Variants in FAM171A1 observed in about 807,000 individuals in gnomAD.
FAM171A1 encodes the protein protein FAM171A1.
A neutral mutation model predicts 74.9 loss-of-function variants in FAM171A1; 23 were observed. The ratio of observed to expected loss-of-function variants is 0.31; its 90% CI spans 0.22 to 0.44. The LOEUF is 0.44. Among genes scored for constraint, FAM171A1 ranks in the 20% least tolerant of loss-of-function variants. FAM171A1 has a pLI of 1.00. For missense variants in FAM171A1, 1,162 were observed against 1,159.2 expected (o/e 1.00, Z -0.03); for synonymous variants, 527 against 505.7 (o/e 1.04, Z -0.57).
chr10:15,319,001 C>T (rs1416524789), intron 1 of FAM171A1, among the ~76,000 whole-genome samples: 1 of 152,216 alleles, frequency 6.6e-6, no homozygotes, highest in Non-Finnish European at 1.5e-5. Context: ...ACCACAAAGT[C>T]ACCAGTGTGA....
intron 1 of FAM171A1, among the ~76,000 whole-genome samples, chr10:15,328,743 G>A (rs1051400572): frequency 6.6e-6 from 1 of 152,084 alleles, no homozygotes; most frequent in Non-Finnish European, 1.5e-5. Context: ...GCAACCTCAT[G>A]TTCACACAGC....
At chr10:15,271,715 G>A (rs950734984) in intron 3 of FAM171A1, among the ~76,000 whole-genome samples, 16 of 152,186 alleles carry the variant, frequency 1.1e-4, no homozygotes, top group Non-Finnish European at 1.9e-4. Flanking sequence ...AGAAGACAGA[G>A]TGGGGGCCAA....
At chr10:15,348,106 T>C (rs1588565527) in intron 1 of FAM171A1, among the ~76,000 whole-genome samples, 5 of 151,116 alleles carry the variant, frequency 3.3e-5, no homozygotes, top group Admixed American at 3.3e-4. Context: ...GCCTCCCGAG[T>C]AGCTGGGATT....
At chr10:15,257,560 G>T (rs1232631753) in intron 3 of FAM171A1, among the ~76,000 whole-genome samples, 2 of 152,270 alleles carry the variant, frequency 1.3e-5, no homozygotes, top group Middle Eastern at 3.4e-3. Context: ...TTTGGTCCCT[G>T]GCCAGACATC....
chr10:15,329,892 A>G (rs1016610174), intron 1 of FAM171A1, among the ~76,000 whole-genome samples: 2 of 152,202 alleles, frequency 1.3e-5, no homozygotes, highest in African/African-American at 4.8e-5. Context: ...TTAGTCTCAT[A>G]AAGCAATGCT....
chr10:15,361,825 A>G (rs1304352495), intron 1 of FAM171A1, among the ~76,000 whole-genome samples: 1 of 152,222 alleles, frequency 6.6e-6, no homozygotes, highest in African/African-American at 2.4e-5. Flanking sequence ...TCATTTTCCT[A>G]TTCAAATTCT....
intron 4 of FAM171A1, among the ~76,000 whole-genome samples, chr10:15,252,486 G>A (rs567297517): frequency 6.6e-6 from 1 of 152,170 alleles, no homozygotes; most frequent in Non-Finnish European, 1.5e-5. Context: ...TGAGCTCTTA[G>A]ATGCCTTTAG....
rs1450042590 is a variant in FAM171A1 at position 15,315,973 on chromosome 10, C to T, written c.98-31868G>A. Among the ~76,000 whole-genome samples, 4 of 152,184 alleles carry T rather than the reference C, an allele frequency of 2.6e-5. No homozygotes were observed. The East Asian group carries it at 7.7e-4, about 29-fold the overall frequency. ...AAACCTAACATCTTAGTATATTTCC[C>T]CCAGGTGTGTTTTTTTCTGCAATTT... On this transcript the variant is annotated intron_variant, in intron 1 of 7. Transcript: ENST00000378116.
intron 1 of FAM171A1, among the ~76,000 whole-genome samples, chr10:15,318,073 G>A (rs745820248): frequency 6.6e-6 from 1 of 152,158 alleles, no homozygotes; most frequent in South Asian, 2.1e-4. Context: ...GGATTACAGG[G>A]GTGACCCATA....
At chr10:15,228,760 G>A (rs1238245840) in intron 5 of FAM171A1, among the ~76,000 whole-genome samples, 1 of 152,204 alleles carries the variant, frequency 6.6e-6, no homozygotes, top group African/African-American at 2.4e-5. Flanking sequence ...TCCCTGGATT[G>A]ACATGATCCT....
intron 1 of FAM171A1, among the ~76,000 whole-genome samples, chr10:15,357,970 G>C (rs972123458): frequency 1.3e-5 from 2 of 152,080 alleles, no homozygotes; most frequent in Admixed American, 6.6e-5. Context: ...GCAAAGATTG[G>C]AAGTAGAAAG....
At chr10:15,289,468 T>C (rs899039327) in intron 1 of FAM171A1, among the ~76,000 whole-genome samples, 1 of 152,148 alleles carries the variant, frequency 6.6e-6, no homozygotes, top group Non-Finnish European at 1.5e-5. Flanking sequence ...TCATTTTGAC[T>C]GCAAACTCTG....
At chr10:15,374,248 G>C (rs961395439), upstream of FAM171A1, among the ~76,000 whole-genome samples, 1 of 152,132 alleles carries the variant, frequency 6.6e-6, no homozygotes, top group African/African-American at 2.4e-5. Context: ...TTTTGCAGAT[G>C]CCCTTGTGAA....
At chr10:15,338,176 T>A (rs904713211) in intron 1 of FAM171A1, among the ~76,000 whole-genome samples, 1 of 152,194 alleles carries the variant, frequency 6.6e-6, no homozygotes, top group African/African-American at 2.4e-5. Context: ...GGATTTTACA[T>A]ATTCAAACAT....
chr10:15,304,380 A>G lies in FAM171A1; in HGVS notation c.98-20275T>C, dbSNP rs1445466004. Reference sequence around the variant, plus strand: ...ACTTTCACCTGCAGCCTGTCAATCCAGAGCCCACTCCCCAGCCACATCCCC... The same window carrying G: ...ACTTTCACCTGCAGCCTGTCAATCCGGAGCCCACTCCCCAGCCACATCCCC... On this transcript the variant is annotated intron_variant, in intron 1 of 7. Transcript: ENST00000378116. 3.9e-5 allele frequency among the ~76,000 whole-genome samples: 6 copies of G among 152,182 alleles called. No individual in the cohort carries two copies. In the South Asian group the frequency reaches 1.2e-3, roughly 32 times the overall value.
chr10:15,341,525 T>A (rs1300612384), intron 1 of FAM171A1, among the ~76,000 whole-genome samples: 1 of 152,244 alleles, frequency 6.6e-6, no homozygotes, highest in Non-Finnish European at 1.5e-5. Flanking sequence ...TAAAGAAGAT[T>A]TCTGATCGGA....
chr10:15,308,937 A>T (rs1362878381), intron 1 of FAM171A1, among the ~76,000 whole-genome samples: 1 of 152,050 alleles, frequency 6.6e-6, no homozygotes, highest in African/African-American at 2.4e-5. Context: ...GTATGCTGGG[A>T]TTACAGACGT....
Position 15,291,570 on chromosome 10 carries a change from T to C in FAM171A1, c.98-7465A>G, listed in dbSNP as rs542692735. Among the ~76,000 whole-genome samples the C allele has an allele frequency of 7.9e-5, 12 of 152,334 alleles. No homozygotes were observed. In the East Asian group the frequency reaches 2.3e-3, roughly 29 times the overall value. ...AGTCAAGAAATCCATGGTATCCAAA[T>C]GGCTCAATGAACTCCCAAGGAAAAT... On this transcript the variant is annotated intron_variant, in intron 1 of 7. Coordinates refer to ENST00000378116, the MANE Select transcript of FAM171A1 (RefSeq NM_001010924.2).
intron 1 of FAM171A1, among the ~76,000 whole-genome samples, chr10:15,301,148 G>A (rs1835223070): frequency 3.3e-5 from 5 of 152,090 alleles, no homozygotes; most frequent in Admixed American, 2.6e-4. Flanking sequence ...TACTGACTGT[G>A]CTGTCTGTTC....
Sources: allele counts gnomAD v4.1 joint callset (sites outside exome capture counted in the v4.1 genomes callset), GRCh38; gene constraint gnomAD v4.1.1; transcripts MANE v1.5; gene names NCBI Gene and HGNC (gene_info 2026-07-23, HGNC 2026-07-21).